PRKG1: variants seen among roughly 807,000 people sequenced by gnomAD.
PRKG1 encodes protein kinase cGMP-dependent 1, also known as cGMP-dependent protein kinase 1.
PRKG1 carries 35 observed loss-of-function variants against 88.1 expected under a neutral mutation model. The observed-to-expected ratio is 0.40, with a 90% CI of 0.30 to 0.53. PRKG1 has a LOEUF of 0.53. PRKG1 is among the 20% of genes least tolerant of loss of function. PRKG1 has a pLI of 0.59. For missense variants in PRKG1, 540 were observed against 839.8 expected, an observed-to-expected ratio of 0.64 and a Z score of 4.41; for synonymous variants, 303 against 292.5, an observed-to-expected ratio of 1.04 and a Z score of -0.37.
At chr10:52,029,667 A>T (rs1387683867) in intron 5 of PRKG1, among the ~76,000 whole-genome samples, 1 of 152,144 alleles carries the variant, frequency 6.6e-6, no homozygotes, top group Non-Finnish European at 1.5e-5. Context: ...TTTAATTAAT[A>T]CTGGTCCCAG....
intron 4 of PRKG1, among the ~76,000 whole-genome samples, chr10:51,861,473 A>C (rs1433320044): frequency 1.3e-5 from 2 of 152,132 alleles, no homozygotes; most frequent in African/African-American, 4.8e-5. Flanking sequence ...TTTCATCAGA[A>C]ATACCCGGGT....
At chr10:51,339,426 G>T (rs1326814971) in intron 2 of PRKG1, among the ~76,000 whole-genome samples, 4 of 151,830 alleles carry the variant, frequency 2.6e-5, no homozygotes, top group Non-Finnish European at 4.4e-5. Flanking sequence ...CAGAAATCAT[G>T]CAATTTTCAA....
At chr10:51,576,592 C>T (rs549052429) in intron 3 of PRKG1, among the ~76,000 whole-genome samples, 56 of 151,824 alleles carry the variant, frequency 3.7e-4, no homozygotes, top group Non-Finnish European at 4.4e-4. Context: ...AATAGTGGGA[C>T]AAAGGACATA....
intron 3 of PRKG1, among the ~76,000 whole-genome samples, chr10:51,641,646 G>A (rs1242233821): frequency 6.6e-6 from 1 of 152,008 alleles, no homozygotes; most frequent in East Asian, 1.9e-4. Flanking sequence ...AAGTAATTGC[G>A]GTTGTTGCCA....
intron 3 of PRKG1, among the ~76,000 whole-genome samples, chr10:51,774,366 T>C (rs2132550950): frequency 6.6e-6 from 1 of 152,234 alleles, no homozygotes; most frequent in African/African-American, 2.4e-5. Flanking sequence ...TTCTATTTTT[T>C]CCCCTTATAC....
At chr10:51,991,775 T>C (rs1844313947) in intron 5 of PRKG1, among the ~76,000 whole-genome samples, 1 of 152,248 alleles carries the variant, frequency 6.6e-6, no homozygotes, top group Admixed American at 6.5e-5. Flanking sequence ...TAATCCAGTC[T>C]ATCATTGATG....
rs966590530 is a variant in PRKG1, at chr10:51,530,244, TC to T, written c.592+62411del. Among the ~76,000 whole-genome samples the T allele has an allele frequency of 8.5e-4, 129 of 152,328 alleles. 1 individual carries two copies. The highest frequency in any genetic ancestry group is 2.7e-3 in the African/African-American group (113 of 41,586). On this transcript the variant is annotated intron_variant, in intron 3 of 17. Coordinates refer to ENST00000373980, the MANE Select transcript of PRKG1 (RefSeq NM_006258.4). ...TAAGAATATCATTATTTATCAGGTT[TC>T]CCAGATGTTTGCAATTTTCCTGGTA...
At chr10:51,935,623 C>G (rs538699102) in intron 5 of PRKG1, among the ~76,000 whole-genome samples, 1 of 152,202 alleles carries the variant, frequency 6.6e-6, no homozygotes, top group East Asian at 1.9e-4. Flanking sequence ...TCTTAGTTAC[C>G]AAATCCAATT....
intron 1 of PRKG1, among the ~76,000 whole-genome samples, chr10:51,136,469 A>G (rs888063333): frequency 6.6e-6 from 1 of 151,798 alleles, no homozygotes; most frequent in Non-Finnish European, 1.5e-5. Flanking sequence ...AAGATTTTAA[A>G]AAGTTTAGAA....
intron 3 of PRKG1, among the ~76,000 whole-genome samples, chr10:51,489,302 G>A (rs1262861446): frequency 6.6e-6 from 1 of 152,166 alleles, no homozygotes; most frequent in African/African-American, 2.4e-5. Flanking sequence ...CCAGGTAGAG[G>A]AATTAGCATG....
At chr10:51,043,102 G>A (rs1843445520) in intron 1 of PRKG1, among the ~76,000 whole-genome samples, 1 of 152,124 alleles carries the variant, frequency 6.6e-6, no homozygotes, top group African/African-American at 2.4e-5. Flanking sequence ...AGGGGATTGA[G>A]CCTTTATACT....
At chr10:51,202,453 T>A (rs1837936199) in intron 2 of PRKG1, among the ~76,000 whole-genome samples, 2 of 152,312 alleles carry the variant, frequency 1.3e-5, no homozygotes, top group Middle Eastern at 3.4e-3. Flanking sequence ...AGAAGATTTC[T>A]CCTGAGAACA....
At chr10:51,747,205 C>T (rs576693798) in intron 3 of PRKG1, among the ~76,000 whole-genome samples, 1 of 152,304 alleles carries the variant, frequency 6.6e-6, no homozygotes, top group South Asian at 2.1e-4. Flanking sequence ...AGCCATATCA[C>T]CTGCAGTTCA....
At chr10:51,338,536 A>G (rs1285517412) in intron 2 of PRKG1, among the ~76,000 whole-genome samples, 1 of 152,218 alleles carries the variant, frequency 6.6e-6, no homozygotes, top group Non-Finnish European at 1.5e-5. Flanking sequence ...TAGATGCCCT[A>G]TAAATACATG....
At chr10:51,531,812 T>G (rs1842025186) in intron 3 of PRKG1, among the ~76,000 whole-genome samples, 1 of 151,738 alleles carries the variant, frequency 6.6e-6, no homozygotes, top group African/African-American at 2.4e-5. Context: ...GCCCGGCTAA[T>G]TTTTGTATTT....
At chr10:51,001,484 G>GA (rs1021623636) in intron 1 of PRKG1, among the ~76,000 whole-genome samples, 2 of 151,934 alleles carry the variant, frequency 1.3e-5, no homozygotes, top group African/African-American at 4.8e-5. Context: ...TTTCCTTGTA[G>GA]AAAAAAAATT....
At chr10:52,094,403 T>C (rs1202200563) in intron 7 of PRKG1, among the ~76,000 whole-genome samples, 1 of 152,224 alleles carries the variant, frequency 6.6e-6, no homozygotes, top group Non-Finnish European at 1.5e-5. Context: ...TAATTTGTAC[T>C]CATATCACTT....
intron 9 of PRKG1, among the ~76,000 whole-genome samples, chr10:52,243,709 T>C (rs1840926324): frequency 7.2e-6 from 1 of 138,868 alleles, no homozygotes. Flanking sequence ...AAAGTATTTG[T>C]TATCTTATCT....
At chr10:51,952,880 C>T (rs1265876712) in intron 5 of PRKG1, among the ~76,000 whole-genome samples, 1 of 152,128 alleles carries the variant, frequency 6.6e-6, no homozygotes, top group African/African-American at 2.4e-5. Context: ...TTTATCTTAA[C>T]CATTCTGTTG....
Sources: gnomAD v4.1 joint callset for allele counts (sites outside exome capture counted in the v4.1 genomes callset) on GRCh38, gnomAD v4.1.1 for gene constraint, MANE v1.5 for transcripts, NCBI Gene and HGNC (gene_info 2026-07-23, HGNC 2026-07-21) for gene names.